The following SUMF1 variants were observed in gnomAD, a reference collection of about 807,000 sequenced individuals.
SUMF1 encodes the protein formylglycine-generating enzyme.
In SUMF1, 48 loss-of-function variants were observed where a neutral mutation model predicts 47.6. The observed-to-expected ratio is 1.01, with a 90% confidence interval of 0.80 to 1.28. The LOEUF is 1.28. Among genes scored for constraint, SUMF1 ranks in the 50% most tolerant of loss-of-function variants. The pLI is 0.00. For synonymous variants in SUMF1, 230 were observed against 192.1 expected (o/e 1.20, Z -1.63); for missense variants, 571 against 485.4 (o/e 1.18, Z -1.66).
At chr3:4,151,730 CATA>C (rs966046183) in intron 8 of SUMF1, among the ~76,000 whole-genome samples, 1 of 150,046 alleles carries the variant, frequency 6.7e-6, no homozygotes, top group African/African-American at 2.5e-5. Context: ...AAAAAAATCT[CATA>C]ATGTTTTAAG....
chr3:4,128,410 C>T (rs1693708195), intron 8 of SUMF1, among the ~76,000 whole-genome samples: 1 of 152,120 alleles, frequency 6.6e-6, no homozygotes, highest in Admixed American at 6.6e-5. Flanking sequence ...GAAACAGCTT[C>T]CCTATCCCCA....
chr3:4,074,055 C>G (rs980453003), intron 8 of SUMF1, among the ~76,000 whole-genome samples: 1 of 152,144 alleles, frequency 6.6e-6, no homozygotes, highest in South Asian at 2.1e-4. Flanking sequence ...AGCACCACAT[C>G]ACACTTATTC....
At chr3:4,049,213 C>T (rs1436157309) in intron 9 of SUMF1, among the ~76,000 whole-genome samples, 3 of 152,148 alleles carry the variant, frequency 2.0e-5, no homozygotes, top group Non-Finnish European at 4.4e-5. Context: ...AACTCCAGGA[C>T]CTAAGCTAAC....
intron 8 of SUMF1, among the ~76,000 whole-genome samples, chr3:4,149,633 T>A (rs1238119827): frequency 6.6e-6 from 1 of 152,196 alleles, no homozygotes; most frequent in Non-Finnish European, 1.5e-5. Context: ...GTACTATAGA[T>A]AATCCCCAAA....
intron 1 of SUMF1, among the ~76,000 whole-genome samples, chr3:4,454,960 C>A (rs1229733847): frequency 2.0e-5 from 3 of 152,150 alleles, no homozygotes; most frequent in Non-Finnish European, 2.9e-5. Flanking sequence ...CATAGAGTTT[C>A]TTCTTGAGAT....
intron 8 of SUMF1, among the ~76,000 whole-genome samples, chr3:4,181,266 T>G (rs1004069294): frequency 5.3e-5 from 8 of 152,146 alleles, no homozygotes; most frequent in African/African-American, 1.4e-4. Context: ...CTTCACCTCC[T>G]CACGTCTACC....
At chr3:4,047,915 A>C (rs1156807885) in intron 9 of SUMF1, among the ~76,000 whole-genome samples, 1 of 152,106 alleles carries the variant, frequency 6.6e-6, no homozygotes, top group Non-Finnish European at 1.5e-5. Flanking sequence ...ACATGCTTTT[A>C]TCATTTCATC....
intron 8 of SUMF1, among the ~76,000 whole-genome samples, chr3:4,260,184 G>A (rs1224304843): frequency 1.3e-5 from 2 of 152,112 alleles, no homozygotes; most frequent in Middle Eastern, 3.2e-3. Context: ...GGGAATAGAA[G>A]AGGGCCTGAA....
At position 4,335,960 on chromosome 3, in the gene SUMF1, C is replaced by CAAAAAAAAAAA. The variant is rs770091674; in HGVS notation, c.1014+40359_1014+40369dup. On this transcript the variant is annotated intron_variant and NMD_transcript_variant, in intron 8 of 12. Coordinates refer to the SUMF1 transcript ENST00000448413. Reference sequence around the variant, plus strand: ...TGGACAACTGAGTGAGATTCCAACTCAAAAAAAAAAAAAAAAAAAACAGAA... The same window carrying CAAAAAAAAAAA: ...TGGACAACTGAGTGAGATTCCAACTCAAAAAAAAAAAAAAAAAAAAAAAAAAAAAAACAGAA... 2.4e-3 allele frequency among the ~76,000 whole-genome samples: 174 copies of CAAAAAAAAAAA among 73,726 alleles called. 5 individuals carry two copies. The highest frequency in any genetic ancestry group is 4.3e-3 in the African/African-American group (61 of 14,056). 48.4% of individuals were successfully genotyped at this position (73,726 alleles called of 152,430 possible).
chr3:4,258,706 G>C (rs1161943515), intron 8 of SUMF1, among the ~76,000 whole-genome samples: 1 of 145,824 alleles, frequency 6.9e-6, no homozygotes, highest in Non-Finnish European at 1.5e-5. Flanking sequence ...TCAGTGTGGT[G>C]ATTCCTCAGG....
intron 8 of SUMF1, among the ~76,000 whole-genome samples, chr3:4,297,190 A>G (rs1697870220): frequency 1.3e-5 from 2 of 150,606 alleles, no homozygotes; most frequent in African/African-American, 4.9e-5. Flanking sequence ...ATCACTGTGT[A>G]ATATAAACAT....
chr3:4,119,386 G>C (rs1693490903), intron 8 of SUMF1, among the ~76,000 whole-genome samples: 1 of 152,056 alleles, frequency 6.6e-6, no homozygotes, highest in South Asian at 2.1e-4. Flanking sequence ...TTTGCAGTTT[G>C]ACTATGACCC....
chr3:4,150,718 A>T (rs1694299703), intron 8 of SUMF1, among the ~76,000 whole-genome samples: 1 of 151,620 alleles, frequency 6.6e-6, no homozygotes, highest in Admixed American at 6.5e-5. Flanking sequence ...AAGAAGCAAC[A>T]GTGATACCAC....
chr3:4,174,464 G>A (rs974564446), intron 8 of SUMF1, among the ~76,000 whole-genome samples: 9 of 151,972 alleles, frequency 5.9e-5, no homozygotes, highest in African/African-American at 2.2e-4. Flanking sequence ...AACACTTTGG[G>A]AGGCCAAGGC....
chr3:4,199,327 A>T (rs1695494128), intron 8 of SUMF1, among the ~76,000 whole-genome samples: 2 of 152,128 alleles, frequency 1.3e-5, no homozygotes, highest in Non-Finnish European at 2.9e-5. Context: ...GCTCCTTCTT[A>T]TTGCTGAATG....
At chr3:4,423,813 TCTCA>T (rs1418793943) in intron 3 of SUMF1, among the ~76,000 whole-genome samples, 3 of 152,124 alleles carry the variant, frequency 2.0e-5, no homozygotes, top group Non-Finnish European at 4.4e-5. Flanking sequence ...ATGAGTGAGC[TCTCA>T]CTGTGTCACA....
chr3:4,238,683 C>T (rs1342485822), intron 8 of SUMF1, among the ~76,000 whole-genome samples: 1 of 152,118 alleles, frequency 6.6e-6, no homozygotes, highest in Non-Finnish European at 1.5e-5. Context: ...AGCCCTTTGT[C>T]AGATGGATAG....
chr3:4,278,930 G>C (rs77802152), intron 8 of SUMF1, among the ~76,000 whole-genome samples: 5,108 of 152,130 alleles, frequency 0.034, 276 homozygotes, highest in East Asian at 0.18. Context: ...GGATACCAGA[G>C]TACCCTTTAA....
chr3:4,146,823 G>A (rs1322121518), intron 8 of SUMF1, among the ~76,000 whole-genome samples: 2 of 151,940 alleles, frequency 1.3e-5, no homozygotes, highest in Non-Finnish European at 2.9e-5. Context: ...TGCTGAGAAT[G>A]ATGGTTTCCA....
Sources: allele counts gnomAD v4.1 joint callset (sites outside exome capture counted in the v4.1 genomes callset), GRCh38; gene constraint gnomAD v4.1.1; transcripts MANE v1.5; gene names NCBI Gene and HGNC (gene_info 2026-07-23, HGNC 2026-07-21).